Variants in SYNPR observed in about 807,000 individuals in gnomAD.
SYNPR encodes the protein synaptoporin.
A neutral mutation model predicts 32.9 loss-of-function variants in SYNPR; 23 were observed. That is an observed-to-expected ratio of 0.70 (90% CI 0.50 to 0.99). SYNPR has a LOEUF of 0.99. SYNPR is among the 50% of genes least tolerant of loss of function. The probability of loss-of-function intolerance (pLI) is 0.00; values close to 1 mark genes in which losing one functional copy is unlikely to be tolerated. For missense variants in SYNPR, 318 were observed against 349.3 expected (o/e 0.91, Z 0.71); for synonymous variants, 146 against 135.9 (o/e 1.07, Z -0.52).
intron 3 of SYNPR, among the ~76,000 whole-genome samples, chr3:63,500,065 A>T (rs539763350): frequency 4.3e-4 from 65 of 152,302 alleles, no homozygotes; most frequent in African/African-American, 1.5e-3. Context: ...AAAGTGTGAC[A>T]ATTTCTAGCA....
At chr3:63,375,057 A>G (rs1288338629) in intron 2 of SYNPR, among the ~76,000 whole-genome samples, 1 of 152,200 alleles carries the variant, frequency 6.6e-6, no homozygotes, top group Non-Finnish European at 1.5e-5. Flanking sequence ...GCGATCATTA[A>G]AAAGTCAGGA....
intron 1 of SYNPR, among the ~76,000 whole-genome samples, chr3:63,252,202 G>A (rs1441900109): frequency 6.6e-6 from 1 of 152,100 alleles, no homozygotes; most frequent in African/African-American, 2.4e-5. Context: ...AATGTTTCAA[G>A]GATATGAATG....
chr3:63,596,889 T>C (rs1006854612), intron 4 of SYNPR, among the ~76,000 whole-genome samples: 10 of 152,192 alleles, frequency 6.6e-5, no homozygotes, highest in African/African-American at 2.4e-4. Context: ...ATAGCACTAG[T>C]AACATGTGGT....
chr3:63,325,145 G>A (rs967789284), intron 2 of SYNPR, among the ~76,000 whole-genome samples: 1 of 152,048 alleles, frequency 6.6e-6, no homozygotes. Context: ...TATAGTATTA[G>A]TAGAAATTAT....
At chr3:63,354,833 T>C (rs6768854) in intron 2 of SYNPR, among the ~76,000 whole-genome samples, 21,536 of 152,212 alleles carry the variant, frequency 0.14, 3,498 homozygotes, top group African/African-American at 0.4. Flanking sequence ...GCTACTGACA[T>C]GCATCTTTAT....
At chr3:63,465,216 A>C (rs1700654171) in intron 2 of SYNPR, among the ~76,000 whole-genome samples, 1 of 152,152 alleles carries the variant, frequency 6.6e-6, no homozygotes, top group Non-Finnish European at 1.5e-5. Context: ...AAATATAATG[A>C]GAAAAAGCTA....
the SYNPR span, among the ~76,000 whole-genome samples, chr3:63,211,812 ACG>A: frequency 1.6e-5 from 2 of 122,394 alleles, no homozygotes; most frequent in Admixed American, 1.7e-4. Flanking sequence ...GCACCCACTA[ACG>A]CATCATCTAG....
intron 1 of SYNPR, among the ~76,000 whole-genome samples, chr3:63,235,226 A>T (rs1225483981): frequency 1.3e-5 from 2 of 152,168 alleles, no homozygotes; most frequent in African/African-American, 4.8e-5. Flanking sequence ...TGTTTATAAT[A>T]TAACAGGAAA....
intron 2 of SYNPR, among the ~76,000 whole-genome samples, chr3:63,452,423 T>G (rs2107177564): frequency 6.6e-6 from 1 of 152,326 alleles, no homozygotes; most frequent in Non-Finnish European, 1.5e-5. Context: ...CATTTAAGCC[T>G]CGCAACTATG....
chr3:63,480,292 T>G (rs1443083990), intron 2 of SYNPR, among the ~76,000 whole-genome samples: 1 of 152,216 alleles, frequency 6.6e-6, no homozygotes, highest in African/African-American at 2.4e-5. Context: ...ACTGAGATCT[T>G]GTGCTCTAAA....
At chr3:63,302,576 A>T (rs2106942961) in intron 2 of SYNPR, among the ~76,000 whole-genome samples, 1 of 152,146 alleles carries the variant, frequency 6.6e-6, no homozygotes, top group East Asian at 1.9e-4. Flanking sequence ...CAGGCATATG[A>T]TATATCACAG....
chr3:63,368,674 T>C (rs2087756781), intron 2 of SYNPR, among the ~76,000 whole-genome samples: 1 of 152,114 alleles, frequency 6.6e-6, no homozygotes, highest in South Asian at 2.1e-4. Context: ...GGAAGGATCA[T>C]ATTTTCAATC....
intron 4 of SYNPR, among the ~76,000 whole-genome samples, chr3:63,584,435 C>G (rs1703147073): frequency 6.6e-6 from 1 of 151,996 alleles, no homozygotes; most frequent in Non-Finnish European, 1.5e-5. Flanking sequence ...TGGGACACGA[C>G]AGCATAACCA....
chr3:63,432,678 G>C (rs1700014927), intron 2 of SYNPR, among the ~76,000 whole-genome samples: 1 of 152,328 alleles, frequency 6.6e-6, no homozygotes, highest in East Asian at 1.9e-4. Context: ...AGGAGAGGGA[G>C]AGATGGTCCT....
At chr3:63,418,867 C>T (rs1445142438) in intron 2 of SYNPR, among the ~76,000 whole-genome samples, 1 of 152,154 alleles carries the variant, frequency 6.6e-6, no homozygotes, top group Non-Finnish European at 1.5e-5. Flanking sequence ...TCAGTCTTTC[C>T]ACCTTTTAAT....
intron 2 of SYNPR, among the ~76,000 whole-genome samples, chr3:63,280,647 C>T (rs1163143719): frequency 6.6e-6 from 1 of 152,148 alleles, no homozygotes; most frequent in Non-Finnish European, 1.5e-5. Flanking sequence ...TGAACTTCCA[C>T]TAGATTTTTA....
At chr3:63,564,178 G>GGT (rs1051540679) in intron 4 of SYNPR, among the ~76,000 whole-genome samples, 7 of 149,590 alleles carry the variant, frequency 4.7e-5, no homozygotes, top group South Asian at 4.2e-4. Flanking sequence ...GGGTGGGTGG[G>GGT]GTGTGTGTGT....
At position 63,611,175 on chromosome 3, in the gene SYNPR, G is replaced by A. The variant is rs575725003; in HGVS notation, c.600+1859G>A. On this transcript the variant is annotated intron_variant, in intron 5 of 5. Coordinates refer to ENST00000478300, the MANE Select transcript of SYNPR (RefSeq NM_001130003.2). ...AAAGTATTTGGAAGGATATTAAGTCGCTCATACAACTTGATGAAACCTGAA... is the reference window on the plus strand; with the variant it reads ...AAAGTATTTGGAAGGATATTAAGTCACTCATACAACTTGATGAAACCTGAA... Among the ~76,000 whole-genome samples, 5 of 152,266 alleles carry A rather than the reference G, an allele frequency of 3.3e-5. No homozygotes were observed. In the South Asian group the frequency reaches 6.2e-4, roughly 19 times the overall value.
At position 63,393,499 on chromosome 3, in the gene SYNPR, T is replaced by C. The variant is rs1208619249; in HGVS notation, c.85-87333T>C. Among the ~76,000 whole-genome samples the C allele has an allele frequency of 6.0e-5, 8 of 132,518 alleles. No individual in the cohort carries two copies. In the South Asian group the frequency reaches 7.8e-4, roughly 13 times the overall value. The allele number at this position is 132,518 out of a possible 152,430, so 86.9% of individuals were successfully genotyped here. A position where few individuals can be genotyped will look rare whatever the true frequency, so the allele number is the denominator to read the frequency against. On this transcript the variant is annotated intron_variant, in intron 2 of 5. Transcript: ENST00000478300. ...TCCTTCCTTCTTTCTTTCTTCTCTT[T>C]TTTTTTTTTTTTTTTTTTGACAGTG...
Sources: gnomAD v4.1 joint callset for allele counts (sites outside exome capture counted in the v4.1 genomes callset) on GRCh38, gnomAD v4.1.1 for gene constraint, MANE v1.5 for transcripts, NCBI Gene and HGNC (gene_info 2026-07-23, HGNC 2026-07-21) for gene names.